Variants in FARS2 observed in about 807,000 individuals in gnomAD.
FARS2 encodes the protein phenylalanine--tRNA ligase, mitochondrial.
Under a neutral mutation model 46.4 loss-of-function variants are expected in FARS2, and 40 were observed. The ratio of observed to expected loss-of-function variants is 0.86; its 90% CI spans 0.67 to 1.12. The LOEUF (loss-of-function observed/expected upper bound fraction) is 1.12. Among genes scored for constraint, FARS2 ranks in the 50% most tolerant of loss-of-function variants. FARS2 has a pLI of 0.00. For missense variants in FARS2, 513 were observed against 567.9 expected (o/e 0.90, Z 0.98); for synonymous variants, 234 against 214.9 (o/e 1.09, Z -0.78).
intron 6 of FARS2, among the ~76,000 whole-genome samples, chr6:5,673,866 A>T (rs1433718123): frequency 6.6e-6 from 1 of 152,192 alleles, no homozygotes; most frequent in Non-Finnish European, 1.5e-5. Context: ...TATATAATGT[A>T]TCTGTACATC....
At chr6:5,374,220 C>T (rs897226678) in intron 2 of FARS2, among the ~76,000 whole-genome samples, 6 of 151,894 alleles carry the variant, frequency 4.0e-5, no homozygotes, top group Admixed American at 2.0e-4. Flanking sequence ...CCTTTCTATT[C>T]GTGCATACGT....
rs187059284 is a variant in FARS2, at chr6:5,370,511, G to A, written c.612+1329G>A. Among the ~76,000 whole-genome samples the A allele has an allele frequency of 2.2e-4, 33 of 152,250 alleles. 1 individual carries two copies. In the East Asian group the frequency reaches 5.4e-3, roughly 25 times the overall value. The stretch of plus-strand genomic sequence containing the variant: ...GGGAAATATGACCAAGTGATAGAAT[G>A]TCATTTAAAATTAATGTACAAGAGG... On this transcript the variant is annotated intron_variant, in intron 2 of 6. Transcript: ENST00000274680.
chr6:5,417,151 T>C (rs1282585546), intron 3 of FARS2, among the ~76,000 whole-genome samples: 1 of 152,166 alleles, frequency 6.6e-6, no homozygotes, highest in Non-Finnish European at 1.5e-5. Context: ...ATAAAGCTTT[T>C]ATTTTGCCTT....
At chr6:5,384,239 C>T (rs1464585574) in intron 2 of FARS2, among the ~76,000 whole-genome samples, 1 of 152,216 alleles carries the variant, frequency 6.6e-6, no homozygotes, top group Non-Finnish European at 1.5e-5. Flanking sequence ...TATTAATCTA[C>T]TTCCTTTTCT....
chr6:5,741,219 C>T (rs1761316094), intron 6 of FARS2, among the ~76,000 whole-genome samples: 1 of 152,186 alleles, frequency 6.6e-6, no homozygotes, highest in African/African-American at 2.4e-5. Flanking sequence ...GTAAGATTCA[C>T]ATTTTTAGCT....
At chr6:5,683,025 G>A (rs1305496682) in intron 6 of FARS2, among the ~76,000 whole-genome samples, 1 of 152,240 alleles carries the variant, frequency 6.6e-6, no homozygotes, top group Admixed American at 6.5e-5. Flanking sequence ...TGTTCAGAGA[G>A]GGAAGCAGGG....
intron 6 of FARS2, among the ~76,000 whole-genome samples, chr6:5,616,040 G>GAAAC (rs1410933720): frequency 2.9e-4 from 34 of 115,602 alleles, no homozygotes; most frequent in African/African-American, 1.0e-3. Context: ...AAAAAACAAC[G>GAAAC]AAACAAACAA....
At chr6:5,330,580 T>G (rs1770732542) in intron 1 of FARS2, among the ~76,000 whole-genome samples, 1 of 152,128 alleles carries the variant, frequency 6.6e-6, no homozygotes. Context: ...TGGAGGAAAT[T>G]AAAATGAATG....
At chr6:5,543,814 T>A (rs1369585173) in intron 4 of FARS2, among the ~76,000 whole-genome samples, 1 of 151,748 alleles carries the variant, frequency 6.6e-6, no homozygotes, top group Non-Finnish European at 1.5e-5. Context: ...CTGAAGAAAC[T>A]CCTTCAGTCT....
intron 2 of FARS2, among the ~76,000 whole-genome samples, chr6:5,380,971 ATTATTTATTTATTTAT>A (rs370795967): frequency 4.2e-5 from 5 of 119,144 alleles, no homozygotes; most frequent in Admixed American, 3.8e-4. Flanking sequence ...CATTATAGCA[ATTATTTATTTATTTAT>A]TTATTTATTT....
At chr6:5,756,614 C>A (rs893087163) in intron 6 of FARS2, among the ~76,000 whole-genome samples, 10 of 152,188 alleles carry the variant, frequency 6.6e-5, no homozygotes, top group African/African-American at 2.2e-4. Context: ...CCAATCACTT[C>A]CCACCAGATC....
At chr6:5,654,477 A>G (rs947034807) in intron 6 of FARS2, among the ~76,000 whole-genome samples, 1 of 152,220 alleles carries the variant, frequency 6.6e-6, no homozygotes, top group African/African-American at 2.4e-5. Flanking sequence ...CTTGGACTGC[A>G]TCAAGTGCCT....
rs114670879 is a variant in FARS2, at chr6:5,410,140, C to T, written c.772+5439C>T. On this transcript the variant is annotated intron_variant, in intron 3 of 6. Transcript: ENST00000274680. ...GAACTCTGAAGAAAAGTGCTTTGTT[C>T]GTTTTTGTGTTTTTTTGTTTTTTTT... is the stretch of plus-strand genomic sequence containing the variant. Among the ~76,000 whole-genome samples, 818 of 141,490 alleles carry T rather than the reference C, an allele frequency of 5.8e-3. 8 individuals carry two copies. The highest frequency in any genetic ancestry group is 0.021 in the African/African-American group (770 of 36,810). The allele number at this position is 141,490 out of a possible 152,430, so 92.8% of individuals were successfully genotyped here. A position where few individuals can be genotyped will look rare whatever the true frequency, so the allele number is the denominator to read the frequency against.
intron 1 of FARS2, among the ~76,000 whole-genome samples, chr6:5,276,600 C>A (rs184223953): frequency 6.6e-6 from 1 of 152,178 alleles, no homozygotes; most frequent in Non-Finnish European, 1.5e-5. Flanking sequence ...GCTTTACTTT[C>A]CCTTTATTCT....
At chr6:5,670,130 G>T (rs1212095818) in intron 6 of FARS2, among the ~76,000 whole-genome samples, 1 of 152,210 alleles carries the variant, frequency 6.6e-6, no homozygotes, top group Non-Finnish European at 1.5e-5. Context: ...ACAGCAGTGT[G>T]TTAATGATAT....
intron 4 of FARS2, among the ~76,000 whole-genome samples, chr6:5,539,927 T>C (rs1770514797): frequency 6.6e-6 from 1 of 152,118 alleles, no homozygotes; most frequent in South Asian, 2.1e-4. Context: ...CTCACCCTGC[T>C]CCATTCAGAA....
chr6:5,711,378 G>A (rs7761674), intron 6 of FARS2, among the ~76,000 whole-genome samples: 55,190 of 152,068 alleles, frequency 0.36, 12,173 homozygotes, highest in Non-Finnish European at 0.51. Context: ...CCCCAACAAG[G>A]TGGAACATAA....
In FARS2 at chr6:5,581,767, G is replaced by A. The variant is rs148611914; in HGVS notation, c.1066-31402G>A. 6.9e-4 allele frequency among the ~76,000 whole-genome samples: 105 copies of A among 152,196 alleles called. No individual in the cohort carries two copies. In the East Asian group the frequency reaches 0.017, roughly 25 times the overall value. ...CATACTTCCGGTTAATTCCTGATGC[G>A]CTTTTCTAAATGGTCACGGTAACAT... On this transcript the variant is annotated intron_variant, in intron 5 of 6. Coordinates refer to ENST00000274680, the MANE Select transcript of FARS2 (RefSeq NM_006567.5).
At position 5,431,114 on chromosome 6, in the gene FARS2, T is replaced by C. The variant is rs764139130; in HGVS notation, c.846T>C (p.His282=). ...HPSFEMEINF[H]GEWLEVLGCG... Reference sequence around the variant, plus strand: ...CCTTTGAGATGGAGATCAACTTTCATGGAGAATGGCTGGAAGTTCTTGGCT... The same window carrying C: ...CCTTTGAGATGGAGATCAACTTTCACGGAGAATGGCTGGAAGTTCTTGGCT... Residue 282 remains histidine (H), a synonymous_variant, in exon 4 of 7, where the codon CAT becomes CAC. Coordinates refer to ENST00000274680, the MANE Select transcript of FARS2 (RefSeq NM_006567.5). The C allele has an allele frequency of 3.7e-6, 6 of 1,614,036 alleles. No homozygotes were observed. The highest frequency in any genetic ancestry group is 2.2e-5 in the East Asian group (1 of 44,870).
Sources: allele counts gnomAD v4.1 joint callset (sites outside exome capture counted in the v4.1 genomes callset), GRCh38; gene constraint gnomAD v4.1.1; transcripts MANE v1.5; gene names NCBI Gene and HGNC (gene_info 2026-07-23, HGNC 2026-07-21).